Variants in TUNAR observed in about 807,000 individuals in gnomAD.
The protein encoded by TUNAR is protein TUNAR.
chr14:95,911,142 C>A (rs1161590185), intron 2 of TUNAR, among the ~76,000 whole-genome samples: 3 of 152,208 alleles, frequency 2.0e-5, no homozygotes, highest in Non-Finnish European at 2.9e-5. Context: ...CTGTTCTAGT[C>A]CCCGCTTCCC....
chr14:95,892,626 G>A (rs1360985325), intron 2 of TUNAR, among the ~76,000 whole-genome samples: 1 of 152,238 alleles, frequency 6.6e-6, no homozygotes, highest in Admixed American at 6.5e-5. Context: ...CTCTAGGGCA[G>A]GGATGCCTGG....
chr14:95,904,124 C>T (rs1191203975), intron 2 of TUNAR, among the ~76,000 whole-genome samples: 1 of 152,188 alleles, frequency 6.6e-6, no homozygotes, highest in Non-Finnish European at 1.5e-5. Context: ...TCCTGGAGGG[C>T]CAAGTATGTA....
chr14:95,887,947 G>A (rs1175325820), intron 2 of TUNAR, among the ~76,000 whole-genome samples: 1 of 152,186 alleles, frequency 6.6e-6, no homozygotes, highest in Admixed American at 6.5e-5. Context: ...CTTGGCTGGC[G>A]GCACTCTGTG....
chr14:95,887,415 C>T (rs751936271), intron 2 of TUNAR, among the ~76,000 whole-genome samples: 1 of 152,222 alleles, frequency 6.6e-6, no homozygotes, highest in Admixed American at 6.5e-5. Context: ...GACTGTTTCT[C>T]ACCTTATCAA....
chr14:95,882,593 C>T (rs182431206), intron 2 of TUNAR, among the ~76,000 whole-genome samples: 1 of 152,262 alleles, frequency 6.6e-6, no homozygotes, highest in East Asian at 1.9e-4. Context: ...CCTTGGCAGA[C>T]CTGCATTTTT....
At chr14:95,881,127 A>T (rs962433030) in intron 2 of TUNAR, among the ~76,000 whole-genome samples, 2 of 152,162 alleles carry the variant, frequency 1.3e-5, no homozygotes, top group Non-Finnish European at 2.9e-5. Context: ...CCATGGCACT[A>T]AAAAAAGCAT....
intron 2 of TUNAR, among the ~76,000 whole-genome samples, chr14:95,914,886 T>C (rs1889576699): frequency 1.3e-5 from 2 of 151,776 alleles, no homozygotes; most frequent in South Asian, 4.2e-4. Context: ...GAAGCCAGAG[T>C]TGTCATTCCT....
chr14:95,911,691 A>T (rs566318699), intron 2 of TUNAR, among the ~76,000 whole-genome samples: 1 of 152,336 alleles, frequency 6.6e-6, no homozygotes, highest in East Asian at 1.9e-4. Flanking sequence ...TCAGAATTAC[A>T]GTTGAGCCTG....
At chr14:95,913,186 G>A (rs61098913) in intron 2 of TUNAR, among the ~76,000 whole-genome samples, 27,530 of 144,500 alleles carry the variant, frequency 0.19, 3,709 homozygotes, top group African/African-American at 0.38. Context: ...TGGGATACAC[G>A]TGCAGAACCT....
exon 3 of TUNAR, chr14:95,923,160 C>G (rs1889725531): frequency 5.2e-6 from 2 of 387,846 alleles, no homozygotes; most frequent in Non-Finnish European, 9.1e-6. Flanking sequence ...CACTAAAGCA[C>G]AATGATTCCA....
intron 2 of TUNAR, among the ~76,000 whole-genome samples, chr14:95,886,475 A>G (rs1889078194): frequency 6.6e-6 from 1 of 152,232 alleles, no homozygotes; most frequent in East Asian, 1.9e-4. Context: ...TCCACAAGCC[A>G]GTGGGCAAAT....
intron 2 of TUNAR, among the ~76,000 whole-genome samples, chr14:95,908,950 G>C (rs1002635709): frequency 6.6e-6 from 1 of 152,296 alleles, no homozygotes; most frequent in Middle Eastern, 3.4e-3. Flanking sequence ...AGGTAGGCGG[G>C]GGGTGACGTT....
At chr14:95,901,647 TACTC>T (rs1350053098) in intron 2 of TUNAR, among the ~76,000 whole-genome samples, 2 of 152,228 alleles carry the variant, frequency 1.3e-5, no homozygotes, top group Non-Finnish European at 2.9e-5. Flanking sequence ...AATGGGCAGA[TACTC>T]ATTCATTGAG....
chr14:95,900,550 G>A lies in TUNAR; in HGVS notation c.13-22231G>A, dbSNP rs78899008. Among the ~76,000 whole-genome samples the A allele has an allele frequency of 5.9e-3, 892 of 152,346 alleles. 8 individuals carry two copies. The highest frequency in any genetic ancestry group is 0.021 in the African/African-American group (855 of 41,576). ...CCAGGGTAGCAAAGGACTTGGCCAT[G>A]CGAAGGTTTGGGTTTCTTGTCTGGT... On this transcript the variant is annotated intron_variant, in intron 2 of 2. Coordinates refer to ENST00000678517, the Ensembl canonical transcript of TUNAR.
intron 2 of TUNAR, among the ~76,000 whole-genome samples, chr14:95,878,901 C>G (rs902485664): frequency 6.6e-6 from 1 of 152,194 alleles, no homozygotes; most frequent in Admixed American, 6.5e-5. Flanking sequence ...AGCTGGTGAG[C>G]TTTTCCTGCC....
At chr14:95,887,374 G>T (rs11628258) in intron 2 of TUNAR, among the ~76,000 whole-genome samples, 6,116 of 152,278 alleles carry the variant, frequency 0.04, 168 homozygotes, top group South Asian at 0.083. Flanking sequence ...CGGTCAGTCT[G>T]GCTGAGCTTT....
At chr14:95,914,314 A>G (rs2145632) in intron 2 of TUNAR, among the ~76,000 whole-genome samples, 16,703 of 152,148 alleles carry the variant, frequency 0.11, 2,269 homozygotes, top group African/African-American at 0.32. Context: ...CTGGACTGTA[A>G]TGTAAATACT....
At chr14:95,892,909 T>C (rs1253423118) in intron 2 of TUNAR, among the ~76,000 whole-genome samples, 1 of 152,122 alleles carries the variant, frequency 6.6e-6, no homozygotes, top group Non-Finnish European at 1.5e-5. Context: ...CACCTCGATA[T>C]GTCTGGCGGT....
intron 2 of TUNAR, among the ~76,000 whole-genome samples, chr14:95,915,588 G>T (rs1483132309): frequency 6.6e-6 from 1 of 152,204 alleles, no homozygotes; most frequent in South Asian, 2.1e-4. Context: ...ATGAATGCTG[G>T]TTAGGCCCAG....
Sources: gnomAD v4.1 joint callset for allele counts (sites outside exome capture counted in the v4.1 genomes callset) on GRCh38, gnomAD v4.1.1 for gene constraint, MANE v1.5 for transcripts, NCBI Gene and HGNC (gene_info 2026-07-23, HGNC 2026-07-21) for gene names.